QSOX2: variants seen among roughly 807,000 people sequenced by gnomAD.
QSOX2 encodes the protein sulfhydryl oxidase 2.
A neutral mutation model predicts 61.7 loss-of-function variants in QSOX2; 46 were observed. That is an observed-to-expected ratio of 0.75 (90% CI 0.59 to 0.95). The LOEUF (loss-of-function observed/expected upper bound fraction) is 0.95. Ranked by LOEUF, QSOX2 falls within the 40% of genes least tolerant of loss-of-function variation. The pLI is 0.00. For missense variants in QSOX2, 879 were observed against 918.9 expected, an observed-to-expected ratio of 0.96 and a Z score of 0.56; for synonymous variants, 383 against 388.4, an observed-to-expected ratio of 0.99 and a Z score of 0.16.
chr9:136,216,603 C>T lies in QSOX2; in HGVS notation c.1206G>A (p.Met402Ile), dbSNP rs757999451. 1.9e-6 allele frequency: 3 copies of T among 1,613,760 alleles called. No homozygotes were observed. Among genetic ancestry groups the T allele is most frequent in the Admixed American group, 1.7e-5 (1 of 60,008 alleles). The change falls in exon 9 of 12, where the codon ATG becomes ATA. Residue 402 changes from methionine to isoleucine, a missense_variant. Transcript: ENST00000358701. Reference protein sequence around the residue: ...NAVLDLVNNKMRISGIFLTNH... With the variant: ...NAVLDLVNNKIRISGIFLTNH... The stretch of plus-strand genomic sequence containing the variant: ...TGGCGAGGGTTCTGGGGCTCACCCG[C>T]ATCTTGTTGTTGACCAGGTCAAGCA...
At chr9:136,233,763 C>T (rs1439778966) in intron 1 of QSOX2, among the ~76,000 whole-genome samples, 1 of 152,230 alleles carries the variant, frequency 6.6e-6, no homozygotes, top group African/African-American at 2.4e-5. Flanking sequence ...TGCCTCCTCA[C>T]CAGTGCCAAA....
chr9:136,226,672 T>G, intron 2 of QSOX2, 102 bp downstream of exon 2: 1 of 931,882 alleles, frequency 1.1e-6, no homozygotes, highest in African/African-American at 1.6e-5. Flanking sequence ...ACACAGGCAC[T>G]ATGATGTGGC....
In QSOX2 at chr9:136,223,973, G is replaced by C. The variant is rs1564293307; in HGVS notation, c.584+34C>G. ...ACGTTTCTTGCACAGTTCAACACGA[G>C]TCTAACGGCCGCCTTCTTCATGGAG... On this transcript the variant is annotated intron_variant, in intron 4 of 11. Coordinates refer to ENST00000358701, the MANE Select transcript of QSOX2 (RefSeq NM_181701.4). The surrounding 1 kb of genome is among the most constrained non-coding windows in gnomAD (Gnocchi z 4.4). The C allele has an allele frequency of 6.3e-7, 1 of 1,594,892 alleles. No individual in the cohort carries two copies. Among genetic ancestry groups the C allele is most frequent in the Admixed American group, 1.7e-5 (1 of 59,854 alleles).
Position 136,232,968 on chromosome 9 carries a change from G to A in QSOX2, c.329-6094C>T, listed in dbSNP as rs565297385. Among the ~76,000 whole-genome samples, 162 of 151,316 alleles carry A rather than the reference G, an allele frequency of 1.1e-3. 1 individual carries two copies. Among genetic ancestry groups the A allele is most frequent in the Middle Eastern group, 3.4e-3 (1 of 292 alleles). ...AAAGAAAAAAAAAGAAAATCATGGA[G>A]GAGAAAGGACATCTGCCTGAACAGG... On this transcript the variant is annotated intron_variant, in intron 1 of 11. Coordinates refer to ENST00000358701, the MANE Select transcript of QSOX2 (RefSeq NM_181701.4).
At position 136,209,716 on chromosome 9, in the gene QSOX2, C is replaced by T; in HGVS notation, c.1550-441G>A. 1 of 985,026 alleles carries T rather than the reference C, an allele frequency of 1.0e-6. No homozygotes were observed. The highest frequency in any genetic ancestry group is 1.2e-6 in the Non-Finnish European group (1 of 829,758). 61.0% of individuals were successfully genotyped at this position (985,026 alleles called of 1,614,324 possible). A position where few individuals can be genotyped will look rare whatever the true frequency, so the allele number is the denominator to read the frequency against. ...GGGTGCACCTGAGGCCCACTACCTA[C>T]AGAGCCCCGGCCACCTGGGTGCTAT... On this transcript the variant is annotated intron_variant, in intron 11 of 11. Transcript: ENST00000358701. The surrounding 1 kb of genome is among the most constrained non-coding windows in gnomAD (Gnocchi z 5.6).
chr9:136,224,650 T>C (rs1157441664), intron 3 of QSOX2, among the ~76,000 whole-genome samples: 1 of 152,210 alleles, frequency 6.6e-6, no homozygotes, highest in Non-Finnish European at 1.5e-5. Flanking sequence ...AAGTTTTTAC[T>C]ACAATATTTG....
chr9:136,223,968 C>T lies in QSOX2; in HGVS notation c.584+39G>A. 6.3e-7 allele frequency: 1 copy of T among 1,592,142 alleles called. No individual in the cohort carries two copies. The highest frequency in any genetic ancestry group is 8.6e-7 in the Non-Finnish European group (1 of 1,160,780). ...CTATTACGTTTCTTGCACAGTTCAA[C>T]ACGAGTCTAACGGCCGCCTTCTTCA... is the stretch of plus-strand genomic sequence containing the variant. On this transcript the variant is annotated intron_variant, in intron 4 of 11. Coordinates refer to ENST00000358701, the MANE Select transcript of QSOX2 (RefSeq NM_181701.4). The surrounding 1 kb of genome is among the most constrained non-coding windows in gnomAD (Gnocchi z 4.4).
intron 10 of QSOX2, among the ~76,000 whole-genome samples, chr9:136,212,244 C>T (rs9695865): frequency 0.044 from 6,645 of 152,306 alleles, 217 homozygotes; most frequent in Non-Finnish European, 0.065. Flanking sequence ...CAGCATGGGG[C>T]GGGGCTCGGC....
At chr9:136,214,975 C>G (rs149682650) in intron 10 of QSOX2, among the ~76,000 whole-genome samples, 179 bp downstream of exon 10, 1 of 152,244 alleles carries the variant, frequency 6.6e-6, no homozygotes, top group African/African-American at 2.4e-5. Flanking sequence ...CTCGTGCCCC[C>G]GCAGCCACAG....
In QSOX2 at chr9:136,207,881, G is replaced by T. The variant is rs567463603; in HGVS notation, c.*847C>A. The T allele has an allele frequency of 6.6e-6, 1 of 152,276 alleles. No individual in the cohort carries two copies. Among genetic ancestry groups the T allele is most frequent in the Admixed American group, 6.5e-5 (1 of 15,286 alleles). 9.4% of individuals were successfully genotyped at this position (152,276 alleles called of 1,614,324 possible). On this transcript the variant is annotated 3_prime_UTR_variant, in exon 12 of 12. Transcript: ENST00000358701. ...CAGAGCTGCCCTCCAGGCACCCGCC[G>T]TCCCAACGGCCCCCATTTACTTGTC...
intron 1 of QSOX2, among the ~76,000 whole-genome samples, chr9:136,243,941 AG>A (rs1258640362): frequency 1.3e-5 from 2 of 152,058 alleles, no homozygotes; most frequent in African/African-American, 4.8e-5. Flanking sequence ...GGCTCTCAGG[AG>A]GGGCCTTCCT....
At chr9:136,217,757 A>T (rs1831931607) in intron 8 of QSOX2, among the ~76,000 whole-genome samples, 1 of 152,214 alleles carries the variant, frequency 6.6e-6, no homozygotes, top group Non-Finnish European at 1.5e-5. Flanking sequence ...ACCACCACTA[A>T]GAGCCACACT....
At chr9:136,229,004 T>C (rs1830307054) in intron 1 of QSOX2, among the ~76,000 whole-genome samples, 1 of 152,218 alleles carries the variant, frequency 6.6e-6, no homozygotes, top group African/African-American at 2.4e-5. Flanking sequence ...AAGGCTTGTG[T>C]GTGTTAGCGG....
intron 1 of QSOX2, among the ~76,000 whole-genome samples, chr9:136,237,214 C>T (rs1401025884): frequency 1.4e-5 from 2 of 140,432 alleles, no homozygotes; most frequent in African/African-American, 2.7e-5. Context: ...TCTGGGCCGG[C>T]GTCACTTGGA....
In QSOX2 at chr9:136,208,887, G is replaced by A. The variant is rs151235947; in HGVS notation, c.1938C>T (p.Gly646=). ...LDGPGAHKEV[G]GAAPFLGVDF... is the part of the protein sequence containing the mutation. The stretch of plus-strand genomic sequence containing the variant: ...CAACCCCGAGGAAGGGTGCGGCCCC[G>A]CCCACCTCCTTGTGGGCCCCGGGCC... The change falls in exon 12 of 12, where the codon GGC becomes GGT. Residue 646 remains glycine (G), a synonymous_variant. Coordinates refer to ENST00000358701, the MANE Select transcript of QSOX2 (RefSeq NM_181701.4). The A allele has an allele frequency of 2.5e-3, 4,003 of 1,613,954 alleles. 56 individuals carry two copies. The highest frequency in any genetic ancestry group is 0.02 in the South Asian group (1,831 of 91,074).
chr9:136,208,735 G>A lies in QSOX2; in HGVS notation c.2090C>T (p.Ala697Val). Reference protein sequence around the residue: ...RRWKVKHHHPAV With the variant: ...RRWKVKHHHPVV ...CTGGCAGCACCCGGGCACTCACACGGCCGGGTGGTGGTGCTTGACCTTCCA... is the reference window on the plus strand; with the variant it reads ...CTGGCAGCACCCGGGCACTCACACGACCGGGTGGTGGTGCTTGACCTTCCA... The change falls in exon 12 of 12, where the codon GCC (alanine) becomes GTC (valine). Residue 697 changes from alanine to valine, a missense_variant. Coordinates refer to ENST00000358701, the MANE Select transcript of QSOX2 (RefSeq NM_181701.4). 1 of 1,606,072 alleles carries A rather than the reference G, an allele frequency of 6.2e-7. No homozygotes were observed.
chr9:136,209,255 G>T lies in QSOX2; in HGVS notation c.1570C>A (p.Arg524=). 2 of 1,612,838 alleles carry T rather than the reference G, an allele frequency of 1.2e-6. No individual in the cohort carries two copies. Among genetic ancestry groups the T allele is most frequent in the Non-Finnish European group, 1.7e-6 (2 of 1,179,202 alleles). ...GTGGGCCACTGAAGCTTTGGAAACC[G>T]GGGATCCTCACTCAGATGGCCTAGG... ...RLAGHLSEDP[R]FPKLQWPTPD... Residue 524 remains arginine, a synonymous_variant, in exon 12 of 12, where the codon CGG becomes AGG. Transcript: ENST00000358701. The surrounding 1 kb of genome is among the most constrained non-coding windows in gnomAD (Gnocchi z 5.6).
chr9:136,213,265 T>TG (rs1831870480), intron 10 of QSOX2, among the ~76,000 whole-genome samples: 1 of 101,230 alleles, frequency 9.9e-6, no homozygotes, highest in African/African-American at 3.6e-5. Flanking sequence ...TTTTTTTTTT[T>TG]GAGACAGTCT....
intron 1 of QSOX2, among the ~76,000 whole-genome samples, chr9:136,236,861 G>A (rs1378883438): frequency 6.7e-6 from 1 of 149,018 alleles, no homozygotes; most frequent in Non-Finnish European, 1.5e-5. Flanking sequence ...AGCCTGTCTT[G>A]TGCCACACCT....
Sources: gnomAD v4.1 joint callset for allele counts (sites outside exome capture counted in the v4.1 genomes callset) on GRCh38, gnomAD v4.1.1 for gene constraint, Gnocchi (gnomAD v3.1) non-coding constraint, MANE v1.5 for transcripts, NCBI Gene and HGNC (gene_info 2026-07-23, HGNC 2026-07-21) for gene names.